Variants in SNTG1 observed in about 807,000 individuals in gnomAD.
SNTG1 encodes the protein gamma-1-syntrophin.
A neutral mutation model predicts 74.7 loss-of-function variants in SNTG1; 39 were observed. That is an observed-to-expected ratio of 0.52 (90% CI 0.40 to 0.68). The LOEUF is 0.68. Among genes scored for constraint, SNTG1 ranks in the 30% least tolerant of loss-of-function variants. The pLI is 0.00. For synonymous variants in SNTG1, 254 were observed against 217.1 expected, an observed-to-expected ratio of 1.17 and a Z score of -1.49; for missense variants, 685 against 609.5, an observed-to-expected ratio of 1.12 and a Z score of -1.30.
chr8:50,421,957 A>G (rs770080681), intron 4 of SNTG1, among the ~76,000 whole-genome samples: 1 of 152,182 alleles, frequency 6.6e-6, no homozygotes, highest in African/African-American at 2.4e-5. Context: ...AGAAAGGAGG[A>G]AGATTGACTC....
chr8:50,783,544 G>T (rs535035905), intron 18 of SNTG1, among the ~76,000 whole-genome samples: 4 of 152,210 alleles, frequency 2.6e-5, no homozygotes, highest in Non-Finnish European at 5.9e-5. Context: ...TTTTAAGCCC[G>T]TGGGAAAAGC....
chr8:50,176,086 T>C (rs1244231708), intron 2 of SNTG1, among the ~76,000 whole-genome samples: 1 of 151,858 alleles, frequency 6.6e-6, no homozygotes, highest in Non-Finnish European at 1.5e-5. Context: ...GAAACAAGAG[T>C]ATTATAATAA....
chr8:50,776,920 G>A (rs1275846578), intron 18 of SNTG1, among the ~76,000 whole-genome samples: 1 of 151,638 alleles, frequency 6.6e-6, no homozygotes, highest in Non-Finnish European at 1.5e-5. Flanking sequence ...CTTCCTTCTG[G>A]CTGTATGATT....
chr8:50,239,369 T>C (rs548175729), intron 2 of SNTG1, among the ~76,000 whole-genome samples: 142 of 152,192 alleles, frequency 9.3e-4, no homozygotes, highest in Non-Finnish European at 1.7e-3. Context: ...GCTGGAGAAG[T>C]CTCAGGAAAC....
intron 15 of SNTG1, among the ~76,000 whole-genome samples, chr8:50,674,088 T>C (rs2095298417): frequency 1.3e-5 from 2 of 152,182 alleles, no homozygotes; most frequent in Admixed American, 6.6e-5. Flanking sequence ...CAGTATTTTA[T>C]TGAAGATTTC....
chr8:50,576,720 T>A (rs116538428), intron 12 of SNTG1, among the ~76,000 whole-genome samples: 5,119 of 152,158 alleles, frequency 0.034, 139 homozygotes, highest in African/African-American at 0.064. Flanking sequence ...ATACTTTTGA[T>A]ACTATTATAA....
intron 17 of SNTG1, among the ~76,000 whole-genome samples, chr8:50,721,213 C>T (rs988002673): frequency 6.6e-6 from 1 of 152,166 alleles, no homozygotes; most frequent in African/African-American, 2.4e-5. Flanking sequence ...ACCTGTGTCC[C>T]TTAGTTGCAG....
At chr8:49,992,688 C>T (rs1347270665) in intron 1 of SNTG1, among the ~76,000 whole-genome samples, 1 of 152,154 alleles carries the variant, frequency 6.6e-6, no homozygotes, top group Admixed American at 6.5e-5. Context: ...GAATTCTAAG[C>T]AGCATGCTTG....
intron 1 of SNTG1, among the ~76,000 whole-genome samples, chr8:50,152,580 G>A (rs1230947480): frequency 6.6e-6 from 1 of 152,062 alleles, no homozygotes; most frequent in African/African-American, 2.4e-5. Context: ...CTTCCTTCAG[G>A]AGCTCTTTTA....
intron 9 of SNTG1, among the ~76,000 whole-genome samples, chr8:50,527,947 T>G (rs1321973014): frequency 6.6e-6 from 1 of 151,858 alleles, no homozygotes; most frequent in Non-Finnish European, 1.5e-5. Flanking sequence ...ATTTTAAAAC[T>G]TCATTGTCCA....
At chr8:49,920,658 G>T (rs972427227) in intron 1 of SNTG1, among the ~76,000 whole-genome samples, 1 of 152,016 alleles carries the variant, frequency 6.6e-6, no homozygotes, top group Non-Finnish European at 1.5e-5. Flanking sequence ...ATCTTGAAGG[G>T]TTCATGTGTT....
chr8:50,317,638 A>T (rs1251455716), intron 2 of SNTG1, among the ~76,000 whole-genome samples: 1 of 152,194 alleles, frequency 6.6e-6, no homozygotes, highest in Admixed American at 6.5e-5. Context: ...ATCCTACCAT[A>T]GGAAGAATTT....
intron 1 of SNTG1, among the ~76,000 whole-genome samples, chr8:50,054,828 T>A (rs1819885457): frequency 6.6e-6 from 1 of 152,096 alleles, no homozygotes; most frequent in Non-Finnish European, 1.5e-5. Flanking sequence ...TGCACCACCA[T>A]GCCCAGCTAA....
intron 17 of SNTG1, among the ~76,000 whole-genome samples, chr8:50,727,708 C>T (rs1459557978): frequency 6.6e-6 from 1 of 152,180 alleles, no homozygotes; most frequent in African/African-American, 2.4e-5. Flanking sequence ...CCTGTCATTA[C>T]CATAACATCT....
rs529882408 is a variant in SNTG1, at chr8:50,001,307, G to A, written c.-103+89076G>A. Among the ~76,000 whole-genome samples, 34 of 152,262 alleles carry A rather than the reference G, an allele frequency of 2.2e-4. No individual in the cohort carries two copies. In the South Asian group the frequency reaches 6.7e-3, roughly 30 times the overall value. ...CTGAGAGATGAGGATCCTGTCTTCA[G>A]GTGTCGGCTGAAACAAACAGTAAAC... On this transcript the variant is annotated intron_variant, in intron 1 of 18. Coordinates refer to ENST00000642720, the MANE Select transcript of SNTG1 (RefSeq NM_018967.5).
chr8:50,344,571 A>C (rs77856618), intron 2 of SNTG1, among the ~76,000 whole-genome samples: 2 of 152,236 alleles, frequency 1.3e-5, no homozygotes, highest in African/African-American at 4.8e-5. Context: ...TCTGGATGAT[A>C]TAATTTACCA....
chr8:50,479,262 T>A (rs1415035003), intron 8 of SNTG1, among the ~76,000 whole-genome samples: 1 of 151,358 alleles, frequency 6.6e-6, no homozygotes, highest in Non-Finnish European at 1.5e-5. Flanking sequence ...ACACTTGGCT[T>A]TTTTTTTTCT....
chr8:50,263,691 AC>A (rs1374880068), intron 2 of SNTG1, among the ~76,000 whole-genome samples: 1 of 152,232 alleles, frequency 6.6e-6, no homozygotes, highest in African/African-American at 2.4e-5. Context: ...TAGGCATCTT[AC>A]AGAGGAAACA....
chr8:50,148,561 C>A (rs1010498438), intron 1 of SNTG1, among the ~76,000 whole-genome samples: 1 of 152,128 alleles, frequency 6.6e-6, no homozygotes, highest in Non-Finnish European at 1.5e-5. Context: ...TCCCCCCAAC[C>A]CAGAACAGGC....
Sources: gnomAD v4.1 joint callset for allele counts (sites outside exome capture counted in the v4.1 genomes callset) on GRCh38, gnomAD v4.1.1 for gene constraint, MANE v1.5 for transcripts, NCBI Gene and HGNC (gene_info 2026-07-23, HGNC 2026-07-21) for gene names.